Variants in PDE4D observed in about 807,000 individuals in gnomAD.
PDE4D encodes phosphodiesterase 4D, also known as 3',5'-cyclic-AMP phosphodiesterase 4D.
Under a neutral mutation model 87.4 loss-of-function variants are expected in PDE4D, and 24 were observed. The ratio of observed to expected loss-of-function variants is 0.27; its 90% CI spans 0.20 to 0.39. The LOEUF is 0.39. Among genes scored for constraint, PDE4D ranks in the 10% least tolerant of loss-of-function variants. The pLI is 1.00. For synonymous variants in PDE4D, 384 were observed against 383.2 expected (o/e 1.00, Z -0.02); for missense variants, 714 against 1,041.0 (o/e 0.69, Z 4.32).
In PDE4D at chr5:59,919,300, A is replaced by T. The variant is rs148405228; in HGVS notation, c.272+69188T>A. Reference sequence around the variant, plus strand: ...ATGTGTGCTTAAAGTAAGGCTATAGAAATATTCTCAGCTCAAGAATATTAT... The same window carrying T: ...ATGTGTGCTTAAAGTAAGGCTATAGTAATATTCTCAGCTCAAGAATATTAT... On this transcript the variant is annotated intron_variant, in intron 3 of 16. Transcript: ENST00000502484. 3.2e-4 allele frequency among the ~76,000 whole-genome samples: 49 copies of T among 152,274 alleles called. 1 individual carries two copies. In the East Asian group the frequency reaches 8.9e-3, roughly 28 times the overall value.
chr5:58,993,814 G>A (rs932897144), intron 6 of PDE4D, among the ~76,000 whole-genome samples: 16 of 152,046 alleles, frequency 1.1e-4, no homozygotes, highest in African/African-American at 3.6e-4. Flanking sequence ...GACTCCCAAG[G>A]GCTGAAGGGA....
intron 1 of PDE4D, among the ~76,000 whole-genome samples, chr5:60,483,470 G>C (rs1040323386): frequency 6.6e-6 from 1 of 152,196 alleles, no homozygotes; most frequent in East Asian, 1.9e-4. Context: ...TATCCTAAAA[G>C]TTCTGCCAAC....
chr5:59,577,595 A>G (rs1008396954), intron 1 of PDE4D, among the ~76,000 whole-genome samples: 1 of 152,176 alleles, frequency 6.6e-6, no homozygotes, highest in Non-Finnish European at 1.5e-5. Context: ...GGAGAGGAAG[A>G]ATGAAGTTCC....
At chr5:60,403,320 T>C (rs1052427524) in intron 1 of PDE4D, among the ~76,000 whole-genome samples, 3 of 152,224 alleles carry the variant, frequency 2.0e-5, no homozygotes, top group Non-Finnish European at 2.9e-5. Context: ...GGGATGATGT[T>C]TGAGGTTGAA....
intron 1 of PDE4D, among the ~76,000 whole-genome samples, chr5:60,215,723 C>T (rs1341182787): frequency 6.6e-6 from 1 of 152,116 alleles, no homozygotes; most frequent in Non-Finnish European, 1.5e-5. Context: ...TATCCCAGAC[C>T]TATGTTATCA....
At chr5:59,240,923 CCTT>C (rs1757538335) in intron 1 of PDE4D, among the ~76,000 whole-genome samples, 2 of 151,976 alleles carry the variant, frequency 1.3e-5, no homozygotes, top group Non-Finnish European at 2.9e-5. Flanking sequence ...AGTTTTGTGA[CCTT>C]CTTCAAGTCA....
At chr5:60,104,012 G>A (rs1393091060) in intron 2 of PDE4D, among the ~76,000 whole-genome samples, 1 of 152,172 alleles carries the variant, frequency 6.6e-6, no homozygotes. Context: ...GTGGGCGCAG[G>A]ACAGTGGGTG....
At chr5:59,703,274 A>T (rs1283098960) in intron 1 of PDE4D, among the ~76,000 whole-genome samples, 1 of 152,210 alleles carries the variant, frequency 6.6e-6, no homozygotes, top group East Asian at 1.9e-4. Context: ...CACATTTTAC[A>T]ACTTACATTG....
intron 1 of PDE4D, among the ~76,000 whole-genome samples, chr5:60,421,353 C>A (rs972958074): frequency 1.3e-5 from 2 of 152,184 alleles, no homozygotes; most frequent in Admixed American, 6.5e-5. Flanking sequence ...GATCAGGCAG[C>A]AATATTTGCT....
At chr5:59,232,302 A>G (rs894093234) in intron 1 of PDE4D, among the ~76,000 whole-genome samples, 2 of 152,182 alleles carry the variant, frequency 1.3e-5, no homozygotes, top group African/African-American at 4.8e-5. Flanking sequence ...GAATATGCCA[A>G]GAACTCAAGT....
intron 3 of PDE4D, among the ~76,000 whole-genome samples, chr5:59,948,066 T>C (rs1757901633): frequency 1.3e-5 from 2 of 152,340 alleles, no homozygotes; most frequent in South Asian, 4.1e-4. Flanking sequence ...GATATACTGA[T>C]ATACTCTCAA....
intron 1 of PDE4D, among the ~76,000 whole-genome samples, chr5:59,541,214 G>A (rs749291859): frequency 1.3e-5 from 2 of 152,064 alleles, no homozygotes; most frequent in Admixed American, 6.6e-5. Context: ...AATAGAAGGC[G>A]CTCAGTATGT....
At chr5:59,788,324 G>C (rs1361501229) in intron 1 of PDE4D, among the ~76,000 whole-genome samples, 1 of 152,194 alleles carries the variant, frequency 6.6e-6, no homozygotes, top group African/African-American at 2.4e-5. Flanking sequence ...ACTGAAGAAG[G>C]AGCTGGGCAC....
At chr5:60,168,509 G>A (rs1363035191) in intron 2 of PDE4D, among the ~76,000 whole-genome samples, 1 of 152,174 alleles carries the variant, frequency 6.6e-6, no homozygotes, top group East Asian at 1.9e-4. Flanking sequence ...CTTCTGAGTA[G>A]GTAGGCCGCA....
intron 5 of PDE4D, among the ~76,000 whole-genome samples, chr5:59,079,882 GA>G (rs1467206902): frequency 2.6e-4 from 34 of 132,046 alleles, no homozygotes; most frequent in Non-Finnish European, 3.8e-4. Context: ...GAGGAGAGGA[GA>G]AGGGGAATGG....
chr5:59,180,538 T>G (rs1581225863), intron 5 of PDE4D, 57 bp downstream of exon 5: 1 of 1,439,176 alleles, frequency 6.9e-7, no homozygotes, highest in African/African-American at 1.4e-5. Context: ...ATATTGACTC[T>G]TGGCAGAAAT....
chr5:59,355,320 G>A (rs780129982), intron 1 of PDE4D, among the ~76,000 whole-genome samples: 27 of 152,246 alleles, frequency 1.8e-4, no homozygotes, highest in South Asian at 2.1e-4. Context: ...TCTGCATTTC[G>A]TGAGATTTCT....
chr5:59,980,675 A>G lies in PDE4D; in HGVS notation c.272+7813T>C, dbSNP rs374997574. On this transcript the variant is annotated intron_variant, in intron 3 of 16. Coordinates refer to the PDE4D transcript ENST00000502484. ...TATCAGTCCATTCAGCATATCCTTA[A>G]TGGGGACACCAGAATGTACTACAAT... Among the ~76,000 whole-genome samples, 21 of 152,310 alleles carry G rather than the reference A, an allele frequency of 1.4e-4. 1 individual carries two copies. The East Asian group carries it at 2.5e-3, about 18-fold the overall frequency.
chr5:59,207,955 C>T lies in PDE4D; in HGVS notation c.647+7822G>A, dbSNP rs566805693. 4.6e-5 allele frequency among the ~76,000 whole-genome samples: 7 copies of T among 150,760 alleles called. No individual in the cohort carries two copies. The East Asian group carries it at 7.8e-4, about 17-fold the overall frequency. ...GGAGGATCACTTGAGGTCAGGAGTTCGAGCCCAGCCTGGTCAACATGGTGA... is the reference window on the plus strand; with the variant it reads ...GGAGGATCACTTGAGGTCAGGAGTTTGAGCCCAGCCTGGTCAACATGGTGA... On this transcript the variant is annotated intron_variant, in intron 2 of 14. Coordinates refer to ENST00000340635, the MANE Select transcript of PDE4D (RefSeq NM_001104631.2).
Sources: allele counts gnomAD v4.1 joint callset (sites outside exome capture counted in the v4.1 genomes callset), GRCh38; gene constraint gnomAD v4.1.1; transcripts MANE v1.5; gene names NCBI Gene and HGNC (gene_info 2026-07-23, HGNC 2026-07-21).